ST3GAL3: variants seen among roughly 807,000 people sequenced by gnomAD.
ST3GAL3 encodes CMP-N-acetylneuraminate-beta-1,4-galactoside alpha-2,3-sialyltransferase.
A neutral mutation model predicts 50.1 loss-of-function variants in ST3GAL3; 21 were observed. The observed-to-expected ratio is 0.42, with a 90% confidence interval of 0.30 to 0.60. The LOEUF is 0.60. ST3GAL3 is among the 20% of genes least tolerant of loss of function. The probability of loss-of-function intolerance (pLI) is 0.19; values close to 1 mark genes in which losing one functional copy is unlikely to be tolerated. For synonymous variants in ST3GAL3, 183 were observed against 190.0 expected, an observed-to-expected ratio of 0.96 and a Z score of 0.30; for missense variants, 353 against 489.4, an observed-to-expected ratio of 0.72 and a Z score of 2.63.
At chr1:43,821,394 C>T (rs192304267) in intron 4 of ST3GAL3, among the ~76,000 whole-genome samples, 375 of 151,994 alleles carry the variant, frequency 2.5e-3, no homozygotes, top group Non-Finnish European at 4.6e-3. Flanking sequence ...GTAAAAATGG[C>T]GTTTTCCCGA....
intron 1 of ST3GAL3, among the ~76,000 whole-genome samples, chr1:43,731,632 C>T (rs368032395): frequency 4.0e-5 from 6 of 149,548 alleles, no homozygotes; most frequent in East Asian, 2.0e-4. Context: ...CTCTTGACCT[C>T]GTGATCCGCC....
intron 1 of ST3GAL3, among the ~76,000 whole-genome samples, chr1:43,714,430 T>TA (rs1666329934): frequency 2.8e-5 from 1 of 35,372 alleles, no homozygotes; most frequent in African/African-American, 1.0e-4. Context: ...TCTACTAAAA[T>TA]ACAAAAAAAA....
At chr1:43,764,193 G>A (rs1052553654) in intron 2 of ST3GAL3, among the ~76,000 whole-genome samples, 4 of 152,112 alleles carry the variant, frequency 2.6e-5, no homozygotes, top group African/African-American at 9.7e-5. Flanking sequence ...TAAGCAAGGA[G>A]GTAATATTTT....
intron 1 of ST3GAL3, among the ~76,000 whole-genome samples, chr1:43,725,914 G>C (rs1456259517): frequency 6.6e-6 from 1 of 152,152 alleles, no homozygotes; most frequent in East Asian, 1.9e-4. Context: ...CAAAGTGCTG[G>C]GATTACAGGC....
chr1:43,739,485 G>T (rs914000195), intron 2 of ST3GAL3, among the ~76,000 whole-genome samples: 3 of 152,072 alleles, frequency 2.0e-5, no homozygotes, highest in Non-Finnish European at 4.4e-5. Context: ...AAAGTGCTGG[G>T]ATTACAGGCA....
chr1:43,799,255 G>A (rs1210228632), intron 3 of ST3GAL3, among the ~76,000 whole-genome samples: 15 of 152,130 alleles, frequency 9.9e-5, no homozygotes, highest in Admixed American at 9.8e-4. Flanking sequence ...TTTTTGTATT[G>A]AGCATATGTT....
At chr1:43,886,229 A>G (rs1037880453) in intron 5 of ST3GAL3, among the ~76,000 whole-genome samples, 1 of 152,116 alleles carries the variant, frequency 6.6e-6, no homozygotes, top group African/African-American at 2.4e-5. Flanking sequence ...AAAAATACAA[A>G]CATTAGCTGG....
intron 2 of ST3GAL3, among the ~76,000 whole-genome samples, chr1:43,779,694 C>T (rs1040216051): frequency 4.6e-5 from 7 of 152,268 alleles, no homozygotes; most frequent in Admixed American, 1.3e-4. Context: ...TCTTCTAATA[C>T]GGTTAGAGCA....
chr1:43,902,697 C>T (rs1489230714), intron 9 of ST3GAL3, among the ~76,000 whole-genome samples: 1 of 152,222 alleles, frequency 6.6e-6, no homozygotes, highest in African/African-American at 2.4e-5. Context: ...GCAAGCACAG[C>T]ACGGAAGCTG....
At chr1:43,818,791 T>G (rs972929913) in intron 4 of ST3GAL3, among the ~76,000 whole-genome samples, 1 of 149,740 alleles carries the variant, frequency 6.7e-6, no homozygotes, top group Admixed American at 6.6e-5. Context: ...ACTTCTAGAG[T>G]TAAAAAATAC....
intron 3 of ST3GAL3, among the ~76,000 whole-genome samples, chr1:43,797,621 A>T (rs1431141286): frequency 6.6e-6 from 1 of 152,228 alleles, no homozygotes; most frequent in Non-Finnish European, 1.5e-5. Context: ...CTCAGCAAAC[A>T]TAGAAAGGAA....
chr1:43,712,547 A>C (rs555093621), intron 1 of ST3GAL3, among the ~76,000 whole-genome samples: 18 of 152,322 alleles, frequency 1.2e-4, no homozygotes, highest in African/African-American at 4.1e-4. Flanking sequence ...GACCAGAAGC[A>C]AGTAAAGAAT....
chr1:43,920,478 C>T lies in ST3GAL3; in HGVS notation c.819C>T (p.Asn273=). 1 of 1,614,188 alleles carries T rather than the reference C, an allele frequency of 6.2e-7. No individual in the cohort carries two copies. Among genetic ancestry groups the T allele is most frequent in the Non-Finnish European group, 8.5e-7 (1 of 1,180,038 alleles). The change falls in exon 10 of 12, where the codon AAC becomes AAT. Residue 273 remains asparagine, a synonymous_variant. Transcript: ENST00000347631. ...AGCCCCCTGAGATTCGAATCCTCAA[C>T]CCATATTTCATCCAGGAGGCCGCCT... is the stretch of plus-strand genomic sequence containing the variant. ...PKEPPEIRIL[N]PYFIQEAAFT...
At chr1:43,722,270 C>T (rs566505113) in intron 1 of ST3GAL3, among the ~76,000 whole-genome samples, 2 of 151,708 alleles carry the variant, frequency 1.3e-5, no homozygotes, top group African/African-American at 2.4e-5. Context: ...GTAAATAAAG[C>T]GGTGGGTCAG....
At chr1:43,789,405 GTGA>G (rs10527918) in intron 2 of ST3GAL3, among the ~76,000 whole-genome samples, 1,691 of 152,298 alleles carry the variant, frequency 0.011, 39 homozygotes, top group African/African-American at 0.039. Flanking sequence ...AAATTGGATT[GTGA>G]TGATGGTTAT....
intron 9 of ST3GAL3, chr1:43,913,276 T>A (rs2081245386): frequency 6.6e-6 from 1 of 152,222 alleles, no homozygotes; most frequent in Non-Finnish European, 1.5e-5. Flanking sequence ...ATAAGTAAGA[T>A]TTATTGAGCT....
At chr1:43,719,704 G>C (rs1669367948) in intron 1 of ST3GAL3, among the ~76,000 whole-genome samples, 2 of 134,850 alleles carry the variant, frequency 1.5e-5, no homozygotes, top group African/African-American at 4.9e-5. Flanking sequence ...AGGCTGAGGT[G>C]GGCGGATCAC....
intron 3 of ST3GAL3, among the ~76,000 whole-genome samples, chr1:43,813,860 GACACACACACACACACAC>G (rs57947852): frequency 1.4e-4 from 20 of 144,632 alleles, no homozygotes; most frequent in South Asian, 1.4e-3. Context: ...TTTTTGGCTA[GACACACACACACACACAC>G]ACACACACAC....
chr1:43,857,574 TC>T (rs2068767074), intron 5 of ST3GAL3, among the ~76,000 whole-genome samples: 1 of 72,730 alleles, frequency 1.4e-5, no homozygotes, highest in Admixed American at 1.2e-4. Flanking sequence ...CTTCTTTCTT[TC>T]CTTCCTCCCT....
Sources: gnomAD v4.1 joint callset for allele counts (sites outside exome capture counted in the v4.1 genomes callset) on GRCh38, gnomAD v4.1.1 for gene constraint, MANE v1.5 for transcripts, NCBI Gene and HGNC (gene_info 2026-07-23, HGNC 2026-07-21) for gene names.